RNF214: variants seen among roughly 807,000 people sequenced by gnomAD.
RNF214 encodes the protein ring finger protein 214.
In RNF214, 25 loss-of-function variants were observed where a neutral mutation model predicts 75.9. That is an observed-to-expected ratio of 0.33 (90% CI 0.24 to 0.46). The LOEUF (loss-of-function observed/expected upper bound fraction) is 0.46. RNF214 is among the 20% of genes least tolerant of loss of function. RNF214 has a pLI of 1.00. For synonymous variants in RNF214, 314 were observed against 308.8 expected, an observed-to-expected ratio of 1.02 and a Z score of -0.18; for missense variants, 725 against 857.5, an observed-to-expected ratio of 0.85 and a Z score of 1.93.
chr11:117,265,683 G>A (rs756220406), intron 6 of RNF214, among the ~76,000 whole-genome samples: 1 of 152,080 alleles, frequency 6.6e-6, no homozygotes, highest in Non-Finnish European at 1.5e-5. Context: ...CCAAAGTGTT[G>A]GGATTACAGA....
At chr11:117,258,481 A>G (rs1591828727) in intron 6 of RNF214, among the ~76,000 whole-genome samples, 1 of 152,224 alleles carries the variant, frequency 6.6e-6, no homozygotes, top group African/African-American at 2.4e-5. Context: ...TGCAGTCATC[A>G]GTAACTTTGC....
In RNF214 at chr11:117,239,836, A is replaced by C. The variant is rs775560016; in HGVS notation, c.654A>C (p.Thr218=). ...DFKTADSEVN[T]DQDIEKNLDK... ...AGACAGCTGATTCAGAGGTAAACAC[A>C]GATCAAGATATTGAAAAGAATTTGG... Residue 218 remains threonine (T), a synonymous_variant, in exon 4 of 15, where the codon ACA becomes ACC. Transcript: ENST00000300650. The C allele has an allele frequency of 1.5e-5, 23 of 1,561,864 alleles. No individual in the cohort carries two copies. In the Admixed American group the frequency reaches 2.3e-4, roughly 16 times the overall value.
chr11:117,239,539 A>T, intron 3 of RNF214: 1 of 502,726 alleles, frequency 2.0e-6, no homozygotes, highest in Non-Finnish European at 3.6e-6. Context: ...CAGACTGTAG[A>T]GGGCAGACGT....
At chr11:117,234,210 T>TA (rs1381056114) in intron 1 of RNF214, 57 bp from the exon 2 acceptor site, 1 of 1,249,286 alleles carries the variant, frequency 8.0e-7, no homozygotes, top group Non-Finnish European at 1.2e-6. Flanking sequence ...GGGGGAGAGA[T>TA]ACATTTGTTT....
chr11:117,277,698 G>A (rs775769240), intron 6 of RNF214, among the ~76,000 whole-genome samples: 23 of 152,196 alleles, frequency 1.5e-4, no homozygotes, highest in Non-Finnish European at 1.0e-4. Flanking sequence ...GGGGCCAGGC[G>A]TGGTGGCTCA....
chr11:117,248,532 C>T (rs902016077), intron 6 of RNF214, among the ~76,000 whole-genome samples: 2 of 152,170 alleles, frequency 1.3e-5, no homozygotes, highest in African/African-American at 4.8e-5. Context: ...AGCTCATGTG[C>T]TGAATCATTT....
chr11:117,280,162 C>T lies in RNF214; in HGVS notation c.1057-9C>T, dbSNP rs1328169020. On this transcript the variant is annotated splice_polypyrimidine_tract_variant and intron_variant, in intron 7 of 14. Coordinates refer to ENST00000300650, the MANE Select transcript of RNF214 (RefSeq NM_207343.4). ...TAATAAAGTATTTATATGTGTGTGG[C>T]TTCCTTAGATCTTATCACTAGAGAG... 10 of 1,606,016 alleles carry T rather than the reference C, an allele frequency of 6.2e-6. No homozygotes were observed. The highest frequency in any genetic ancestry group is 7.7e-6 in the Non-Finnish European group (9 of 1,173,820).
chr11:117,262,466 A>G (rs1454332672), intron 6 of RNF214, among the ~76,000 whole-genome samples: 1 of 151,758 alleles, frequency 6.6e-6, no homozygotes, highest in Admixed American at 6.6e-5. Context: ...TGGAGCCTCA[A>G]ACTCATGGGC....
chr11:117,278,460 A>C (rs934068391), intron 6 of RNF214, among the ~76,000 whole-genome samples: 2 of 152,200 alleles, frequency 1.3e-5, no homozygotes, highest in Admixed American at 6.5e-5. Flanking sequence ...ACCACAATCA[A>C]ATGTAATATA....
intron 6 of RNF214, among the ~76,000 whole-genome samples, chr11:117,251,064 T>A (rs1384781077): frequency 1.3e-5 from 2 of 150,656 alleles, no homozygotes; most frequent in Non-Finnish European, 3.0e-5. Flanking sequence ...TTTCCCCACC[T>A]TTCCCCCCTT....
intron 6 of RNF214, among the ~76,000 whole-genome samples, chr11:117,267,599 C>T (rs1474544791): frequency 6.6e-6 from 1 of 151,954 alleles, no homozygotes; most frequent in Non-Finnish European, 1.5e-5. Context: ...AGTGGTAGTG[C>T]ATGCCTGTGG....
intron 6 of RNF214, among the ~76,000 whole-genome samples, chr11:117,272,587 C>T (rs939729283): frequency 2.0e-5 from 3 of 151,508 alleles, no homozygotes; most frequent in African/African-American, 4.8e-5. Flanking sequence ...ACTAGTATTC[C>T]GGAACTTAAA....
chr11:117,266,174 C>A (rs1300711375), intron 6 of RNF214, among the ~76,000 whole-genome samples: 1 of 152,104 alleles, frequency 6.6e-6, no homozygotes, highest in Non-Finnish European at 1.5e-5. Flanking sequence ...TTCTCTTTCC[C>A]TCTGTGTATT....
At chr11:117,265,730 T>A (rs2033782617) in intron 6 of RNF214, among the ~76,000 whole-genome samples, 2 of 152,180 alleles carry the variant, frequency 1.3e-5, no homozygotes, top group African/African-American at 2.4e-5. Context: ...TTAGTTTTTT[T>A]AAAAAATCAA....
chr11:117,258,747 C>A (rs192880908), intron 6 of RNF214, among the ~76,000 whole-genome samples: 9 of 152,248 alleles, frequency 5.9e-5, no homozygotes, highest in Admixed American at 2.6e-4. Flanking sequence ...AAAGTTCACT[C>A]TTGTGCCTTC....
At chr11:117,264,775 A>G (rs529608757) in intron 6 of RNF214, among the ~76,000 whole-genome samples, 2 of 152,168 alleles carry the variant, frequency 1.3e-5, no homozygotes, top group South Asian at 2.1e-4. Context: ...TAGACAGCCT[A>G]TAATTGGGTC....
intron 6 of RNF214, among the ~76,000 whole-genome samples, chr11:117,251,453 A>G (rs1591824606): frequency 8.0e-6 from 1 of 124,794 alleles, no homozygotes; most frequent in Non-Finnish European, 1.7e-5. Context: ...TCCCTCCCGG[A>G]CGGGGCGGCT....
intron 6 of RNF214, among the ~76,000 whole-genome samples, chr11:117,277,489 AACAC>A (rs530802314): frequency 1.3e-4 from 19 of 151,172 alleles, no homozygotes; most frequent in African/African-American, 3.6e-4. Flanking sequence ...ATAAGTGTGT[AACAC>A]ACACACACAC....
At chr11:117,257,687 A>G (rs898903126) in intron 6 of RNF214, among the ~76,000 whole-genome samples, 2 of 152,228 alleles carry the variant, frequency 1.3e-5, no homozygotes, top group Admixed American at 6.5e-5. Flanking sequence ...TTGGGAGTAG[A>G]AGTAAGTAGG....
Sources: gnomAD v4.1 joint callset for allele counts (sites outside exome capture counted in the v4.1 genomes callset) on GRCh38, gnomAD v4.1.1 for gene constraint, MANE v1.5 for transcripts, NCBI Gene and HGNC (gene_info 2026-07-23, HGNC 2026-07-21) for gene names.